APOBEC3G: variants seen among roughly 807,000 people sequenced by gnomAD.
APOBEC3G encodes DNA dC->dU-editing enzyme APOBEC-3G.
Under a neutral mutation model 50.0 loss-of-function variants are expected in APOBEC3G, and 44 were observed. That is an observed-to-expected ratio of 0.88 (90% confidence interval 0.69 to 1.13). The LOEUF (loss-of-function observed/expected upper bound fraction) is 1.13. Among genes scored for constraint, APOBEC3G ranks in the 50% most tolerant of loss-of-function variants. APOBEC3G has a pLI of 0.00. For missense variants in APOBEC3G, 469 were observed against 492.0 expected (o/e 0.95, Z 0.44); for synonymous variants, 156 against 175.3 (o/e 0.89, Z 0.87).
intron 5 of APOBEC3G, among the ~76,000 whole-genome samples, chr22:39,084,635 T>G (rs1168946746): frequency 6.6e-6 from 1 of 152,142 alleles, no homozygotes; most frequent in Non-Finnish European, 1.5e-5. Flanking sequence ...AGGGCCTACC[T>G]GACCTCACAA....
At chr22:39,077,521 C>G in intron 1 of APOBEC3G, 143 bp downstream of exon 1, 1 of 1,433,520 alleles carries the variant, frequency 7.0e-7, no homozygotes. Flanking sequence ...CCCCCTACTC[C>G]CAGCCAGGCT....
At chr22:39,078,902 C>T in intron 1 of APOBEC3G, 30 bp from the exon 2 acceptor site, 8 of 1,612,440 alleles carry the variant, frequency 5.0e-6, no homozygotes, top group East Asian at 2.2e-5. Flanking sequence ...GTGCTCTCTA[C>T]ATTGGCTGGT....
chr22:39,077,070 T>C, upstream of APOBEC3G: 1 of 567,542 alleles, frequency 1.8e-6, no homozygotes, highest in Non-Finnish European at 3.1e-6. Context: ...ACTTTCTCTT[T>C]CCCTTTGCAA....
intron 1 of APOBEC3G, 83 bp from the exon 2 acceptor site, chr22:39,078,849 G>A: frequency 1.3e-6 from 2 of 1,566,642 alleles, no homozygotes; most frequent in Non-Finnish European, 1.7e-6. Context: ...GAGCCGTCCA[G>A]GGGGCTGTGT....
At chr22:39,077,233 G>T (rs1411087966), upstream of APOBEC3G, 19 of 1,501,234 alleles carry the variant, frequency 1.3e-5, no homozygotes, top group Non-Finnish European at 1.7e-5. Flanking sequence ...CAGGAAGCGG[G>T]AGGGGCCATG....
intron 1 of APOBEC3G, among the ~76,000 whole-genome samples, chr22:39,077,580 C>T (rs1427892098): frequency 6.6e-6 from 1 of 152,096 alleles, no homozygotes; most frequent in East Asian, 1.9e-4. Context: ...AATGGGCCGC[C>T]TCCCCCATCT....
In APOBEC3G at chr22:39,087,694, A is replaced by AATCG; in HGVS notation, c.*274_*277dup. ...AACCTACTAATCCAGCGACAATTTG[A>AATCG]ATCGGTTTTGTAGGTAGAGGAATAA... On this transcript the variant is annotated 3_prime_UTR_variant, in exon 8 of 8. Coordinates refer to ENST00000407997, the MANE Select transcript of APOBEC3G (RefSeq NM_021822.4). 1.8e-6 allele frequency: 1 copy of AATCG among 562,774 alleles called. No homozygotes were observed. The highest frequency in any genetic ancestry group is 2.6e-5 in the South Asian group (1 of 38,894). 34.9% of individuals were successfully genotyped at this position (562,774 alleles called of 1,614,324 possible).
chr22:39,078,712 C>G (rs774562075), intron 1 of APOBEC3G: 15 of 578,240 alleles, frequency 2.6e-5, no homozygotes, highest in African/African-American at 3.9e-5. Flanking sequence ...TATTCTGTCT[C>G]TCTCTCTCTT....
intron 5 of APOBEC3G, among the ~76,000 whole-genome samples, chr22:39,084,372 A>T (rs928259955): frequency 6.6e-6 from 1 of 152,264 alleles, no homozygotes; most frequent in Non-Finnish European, 1.5e-5. Context: ...TTAAAAATAC[A>T]AAAAATTAGC....
Position 39,081,592 on chromosome 22 carries a change from G to T in APOBEC3G, c.581+7G>T, listed in dbSNP as rs370454078. On this transcript the variant is annotated splice_region_variant and intron_variant, in intron 4 of 7. Coordinates refer to ENST00000407997, the MANE Select transcript of APOBEC3G (RefSeq NM_021822.4). ...TGCTGGGGGAGATTCTCAGGTGAGG[G>T]TCTCCCTCCAGGCTCATCGCCTCGC... is the stretch of plus-strand genomic sequence containing the variant. 25 of 1,604,514 alleles carry T rather than the reference G, an allele frequency of 1.6e-5. No individual in the cohort carries two copies. The African/African-American group carries it at 2.3e-4, about 15-fold the overall frequency.
rs762565003 is a variant in APOBEC3G at position 39,083,776 on chromosome 22, A to T, written c.627A>T (p.Glu209Asp). The T allele has an allele frequency of 6.2e-7, 1 of 1,613,890 alleles. No individual in the cohort carries two copies. Among genetic ancestry groups the T allele is most frequent in the Admixed American group, 1.7e-5 (1 of 59,990 alleles). Residue 209 changes from glutamate to aspartate, a missense_variant, in exon 5 of 8, where the codon GAA (glutamate) becomes GAT (aspartate). By Grantham distance (45) the Glu-to-Asp change is conservative. Coordinates refer to ENST00000407997, the MANE Select transcript of APOBEC3G (RefSeq NM_021822.4). ...CATTCACTTTCAACTTTAACAATGA[A>T]CCTTGGGTCAGAGGACGGCATGAGA... ...PPTFTFNFNN[E>D]PWVRGRHETY...
rs376343533 is a variant in APOBEC3G, at chr22:39,083,893, C to A, written c.735+9C>A. Reference sequence around the variant, plus strand: ...GCTTTCTATGCAACCAGGTGACCAACCCAGCCACCCGCATCCAGGCAGGGC... The same window carrying A: ...GCTTTCTATGCAACCAGGTGACCAAACCAGCCACCCGCATCCAGGCAGGGC... On this transcript the variant is annotated intron_variant, in intron 5 of 7. Transcript: ENST00000407997. 2.5e-6 allele frequency: 4 copies of A among 1,611,054 alleles called. No homozygotes were observed. Among genetic ancestry groups the A allele is most frequent in the Middle Eastern group, 1.7e-4 (1 of 5,842 alleles).
chr22:39,081,299 C>T, intron 3 of APOBEC3G, 72 bp downstream of exon 3: 2 of 1,570,094 alleles, frequency 1.3e-6, no homozygotes, highest in Non-Finnish European at 1.7e-6. Context: ...CCCACACATA[C>T]CTGTGGGTCT....
intron 1 of APOBEC3G, 42 bp downstream of exon 1, chr22:39,077,420 C>G (rs763096738): frequency 1.3e-6 from 2 of 1,571,064 alleles, no homozygotes; most frequent in Non-Finnish European, 1.7e-6. Context: ...TCTGCTGCCC[C>G]TTCTTGCCTG....
At chr22:39,080,838 TG>T in intron 2 of APOBEC3G, 94 bp from the exon 3 acceptor site, 1 of 1,146,296 alleles carries the variant, frequency 8.7e-7, no homozygotes, top group Non-Finnish European at 1.2e-6. Flanking sequence ...CAAGATCTCC[TG>T]GACTCCTGTC....
At chr22:39,081,792 GC>G (rs1331400232) in intron 4 of APOBEC3G, 1 of 532,538 alleles carries the variant, frequency 1.9e-6, no homozygotes, top group African/African-American at 1.9e-5. Context: ...GCTTTCCTGG[GC>G]CCTTCCTGTG....
At position 39,086,540 on chromosome 22, in the gene APOBEC3G, G is replaced by A; in HGVS notation, c.997G>A (p.Ala333Thr). The A allele has an allele frequency of 6.2e-7, 1 of 1,608,988 alleles. No homozygotes were observed. The part of the protein sequence containing the change: ...EGLRTLAEAG[A>T]KISIMTYSEF... ...GCTGCGCACCCTGGCCGAGGCTGGG[G>A]CCAAAATTTCAATAATGACATACAG... is the stretch of plus-strand genomic sequence containing the variant. Residue 333 changes from alanine (A) to threonine (T), a missense_variant, in exon 6 of 8, where the codon GCC becomes ACC. Transcript: ENST00000407997.
At chr22:39,079,114 G>C (rs769007708) in intron 2 of APOBEC3G, 29 bp downstream of exon 2, 2 of 1,612,304 alleles carry the variant, frequency 1.2e-6, no homozygotes, top group Non-Finnish European at 1.7e-6. Flanking sequence ...TCACTTTGCA[G>C]GCAGGAGCTA....
intron 2 of APOBEC3G, chr22:39,080,732 T>C: frequency 1.7e-6 from 1 of 590,744 alleles, no homozygotes; most frequent in Middle Eastern, 4.5e-4. Context: ...TGCCACCTCT[T>C]AAGGCCATTA....
Sources: gnomAD v4.1 joint callset for allele counts (sites outside exome capture counted in the v4.1 genomes callset) on GRCh38, gnomAD v4.1.1 for gene constraint, MANE v1.5 for transcripts, NCBI Gene and HGNC (gene_info 2026-07-23, HGNC 2026-07-21) for gene names.